CDC42BPA: variants seen among roughly 807,000 people sequenced by gnomAD.
CDC42BPA encodes the protein CDC42 binding protein kinase alpha.
Under a neutral mutation model 223.5 loss-of-function variants are expected in CDC42BPA, and 80 were observed. The ratio of observed to expected loss-of-function variants is 0.36; its 90% CI spans 0.30 to 0.43. The LOEUF (loss-of-function observed/expected upper bound fraction) is 0.43. Among genes scored for constraint, CDC42BPA ranks in the 20% least tolerant of loss-of-function variants. CDC42BPA has a pLI of 1.00. For synonymous variants in CDC42BPA, 694 were observed against 718.6 expected (o/e 0.97, Z 0.55); for missense variants, 1,743 against 2,099.9 (o/e 0.83, Z 3.32).
intron 11 of CDC42BPA, among the ~76,000 whole-genome samples, chr1:227,126,537 A>AG (rs1689685668): frequency 7.1e-6 from 1 of 140,660 alleles, no homozygotes. Flanking sequence ...AGGAAAAAGA[A>AG]GAAAAAAAAG....
At chr1:227,118,518 T>C (rs1303350714) in intron 12 of CDC42BPA, among the ~76,000 whole-genome samples, 1 of 152,098 alleles carries the variant, frequency 6.6e-6, no homozygotes, top group East Asian at 1.9e-4. Flanking sequence ...AGCACTATCA[T>C]CTTCTCAAAA....
chr1:226,994,227 GGCAGGGA>G lies in CDC42BPA; in HGVS notation c.*34_*40del. On this transcript the variant is annotated 3_prime_UTR_variant, in exon 37 of 37. Coordinates refer to ENST00000366766, the MANE Select transcript of CDC42BPA (RefSeq NM_001394014.1). This position sits in a 1 kb window ranked among gnomAD's most constrained non-coding sequence, Gnocchi z 4.0. ...GAGATGAAAGTGAGAGGAGGCGAGT[GGCAGGGA>G]GCGGAGAGCGAGAGGTCCCAGTGCT... The G allele has an allele frequency of 6.5e-7, 1 of 1,544,312 alleles. No homozygotes were observed. Among genetic ancestry groups the G allele is most frequent in the Non-Finnish European group, 8.8e-7 (1 of 1,141,652 alleles).
Position 227,101,622 on chromosome 1 carries a change from G to C in CDC42BPA, c.2002-383C>G, listed in dbSNP as rs548930723. 9.2e-5 allele frequency among the ~76,000 whole-genome samples: 14 copies of C among 152,148 alleles called. No homozygotes were observed. The South Asian group carries it at 1.9e-3, about 20-fold the overall frequency. ...TGCATCCTAAATCTGATGAAGAACT[G>C]ATAAAAAGTTTTAAGGATATCTGTG... On this transcript the variant is annotated intron_variant, in intron 14 of 36. Transcript: ENST00000366766.
intron 2 of CDC42BPA, among the ~76,000 whole-genome samples, chr1:227,248,505 C>T (rs1046757711): frequency 1.3e-5 from 2 of 151,946 alleles, no homozygotes; most frequent in African/African-American, 4.8e-5. Context: ...AAAAGTAATC[C>T]CATTTACAAT....
At position 227,187,212 on chromosome 1, in the gene CDC42BPA, T is replaced by C. The variant is rs192961460; in HGVS notation, c.599+6574A>G. 1.6e-3 allele frequency among the ~76,000 whole-genome samples: 239 copies of C among 152,302 alleles called. 2 individuals are homozygous for C. Among genetic ancestry groups the C allele is most frequent in the African/African-American group, 5.5e-3 (229 of 41,578 alleles). ...CAGACATCAGAATGAGAGTCAGATA[T>C]GGCAACAATGTTGCAATTATCAGAC... On this transcript the variant is annotated intron_variant, in intron 5 of 36. Coordinates refer to ENST00000366766, the MANE Select transcript of CDC42BPA (RefSeq NM_001394014.1).
At chr1:227,078,516 A>G (rs562052347) in intron 17 of CDC42BPA, among the ~76,000 whole-genome samples, 1 of 152,246 alleles carries the variant, frequency 6.6e-6, no homozygotes, top group Non-Finnish European at 1.5e-5. Flanking sequence ...TCTCTTTGTA[A>G]TATTATTTCA....
At chr1:227,222,296 G>A (rs1676063215) in intron 2 of CDC42BPA, among the ~76,000 whole-genome samples, 1 of 151,998 alleles carries the variant, frequency 6.6e-6, no homozygotes, top group African/African-American at 2.4e-5. Context: ...ATCACTTAAA[G>A]TTAGGAGTTT....
chr1:227,262,503 T>C (rs768510371), intron 1 of CDC42BPA, among the ~76,000 whole-genome samples: 1 of 152,214 alleles, frequency 6.6e-6, no homozygotes, highest in Non-Finnish European at 1.5e-5. Flanking sequence ...CAATTTTATA[T>C]ATCATGTAAA....
intron 1 of CDC42BPA, among the ~76,000 whole-genome samples, chr1:227,281,948 G>C (rs969437999): frequency 6.6e-6 from 1 of 152,172 alleles, no homozygotes; most frequent in Non-Finnish European, 1.5e-5. Flanking sequence ...CCAGCACTTT[G>C]GGAGGCTGAG....
chr1:227,175,922 A>G (rs1225562751), intron 5 of CDC42BPA, among the ~76,000 whole-genome samples: 2 of 152,138 alleles, frequency 1.3e-5, no homozygotes, highest in East Asian at 3.8e-4. Context: ...CACTGTTTCT[A>G]GTTATTTTCA....
In CDC42BPA at chr1:227,139,671, T is replaced by G; in HGVS notation, c.1295A>C (p.Gln432Pro). ...PTSLDLDVNV[Q>P]RTLDNNLATE... ...TGCTAAGTTGTTGTCTAGAGTCCTC[T>G]GAACATTAACATCAAGATCCAGTGA... The change falls in exon 10 of 37, where the codon CAG (glutamine) becomes CCG (proline). Residue 432 changes from glutamine to proline, a missense_variant. Gln to Pro is a moderately conservative substitution (Grantham distance 76, BLOSUM62 -1). Transcript: ENST00000366766. 2 of 1,610,500 alleles carry G rather than the reference T, an allele frequency of 1.2e-6. No individual in the cohort carries two copies. The highest frequency in any genetic ancestry group is 1.7e-6 in the Non-Finnish European group (2 of 1,178,306).
Position 227,129,179 on chromosome 1 carries a change from T to C in CDC42BPA, c.1443A>G (p.Leu481=), listed in dbSNP as rs1656466204. ...TTATTTCTAAATCTTTGCTTGCTGT[T>C]AGTGGACCATCAACAGTTGAATACT... ...ALQYSTVDGP[L]TASKDLEIKN... is the part of the protein sequence containing the mutation. The change falls in exon 11 of 37, where the codon CTA becomes CTG. Residue 481 remains leucine (L), a synonymous_variant. Coordinates refer to ENST00000366766, the MANE Select transcript of CDC42BPA (RefSeq NM_001394014.1). 1.3e-6 allele frequency: 2 copies of C among 1,587,290 alleles called. No individual in the cohort carries two copies. Among genetic ancestry groups the C allele is most frequent in the African/African-American group, 1.4e-5 (1 of 74,064 alleles).
At chr1:227,114,895 T>C (rs914079630) in intron 12 of CDC42BPA, among the ~76,000 whole-genome samples, 5 of 143,636 alleles carry the variant, frequency 3.5e-5, no homozygotes, top group Non-Finnish European at 7.7e-5. Flanking sequence ...GAAATAGTTT[T>C]AGGATATTTA....
Position 227,201,602 on chromosome 1 carries a change from A to G in CDC42BPA, c.355-1950T>C, listed in dbSNP as rs143418552. Among the ~76,000 whole-genome samples, 324 of 152,238 alleles carry G rather than the reference A, an allele frequency of 2.1e-3. 3 individuals are homozygous for G. Among genetic ancestry groups the G allele is most frequent in the African/African-American group, 7.4e-3 (307 of 41,542 alleles). On this transcript the variant is annotated intron_variant, in intron 3 of 36. Transcript: ENST00000366766. Reference sequence around the variant, plus strand: ...TGCCCAATTGTTGTGTGCAGAGGTTACCATTATTAACTCTTTGGTCAAAAT... The same window carrying G: ...TGCCCAATTGTTGTGTGCAGAGGTTGCCATTATTAACTCTTTGGTCAAAAT...
At chr1:227,118,645 C>G (rs1178627114) in intron 12 of CDC42BPA, among the ~76,000 whole-genome samples, 4 of 152,056 alleles carry the variant, frequency 2.6e-5, no homozygotes, top group Admixed American at 2.6e-4. Context: ...AATCCAAGAT[C>G]CTTCTCTTTA....
chr1:227,314,698 C>A (rs1285668326), intron 1 of CDC42BPA, among the ~76,000 whole-genome samples: 1 of 150,142 alleles, frequency 6.7e-6, no homozygotes, highest in Non-Finnish European at 1.5e-5. Flanking sequence ...ATAACGAACA[C>A]AAATATGTAA....
chr1:227,151,960 G>C (rs1039111534), intron 6 of CDC42BPA, among the ~76,000 whole-genome samples: 1 of 151,446 alleles, frequency 6.6e-6, no homozygotes, highest in Admixed American at 6.6e-5. Context: ...GGCTGAGGCA[G>C]GATAAGTGAG....
At position 227,109,625 on chromosome 1, in the gene CDC42BPA, C is replaced by A. The variant is rs528651853; in HGVS notation, c.2001+2687G>T. ...CAGTGATCCACCTACCTCAGCCTCC[C>A]AAAGTGCTGGGATTACAGGTGTGAG... On this transcript the variant is annotated intron_variant, in intron 14 of 36. Transcript: ENST00000366766. 2.6e-4 allele frequency among the ~76,000 whole-genome samples: 40 copies of A among 152,150 alleles called. 1 individual carries two copies. In the South Asian group the frequency reaches 8.1e-3, roughly 31 times the overall value.
intron 34 of CDC42BPA, 107 bp downstream of exon 34, chr1:227,015,973 C>G (rs990761000): frequency 3.3e-5 from 22 of 673,644 alleles, no homozygotes; most frequent in Non-Finnish European, 3.5e-5. Context: ...GAAACATTTC[C>G]TCATTACTTT....
Sources: allele counts gnomAD v4.1 joint callset (sites outside exome capture counted in the v4.1 genomes callset), GRCh38; gene constraint gnomAD v4.1.1; non-coding constraint Gnocchi (gnomAD v3.1); transcripts MANE v1.5; gene names NCBI Gene and HGNC (gene_info 2026-07-23, HGNC 2026-07-21).